The following DSCAM variants were observed in gnomAD, a reference collection of about 807,000 sequenced individuals.
DSCAM encodes the protein DS cell adhesion molecule.
A neutral mutation model predicts 217.7 loss-of-function variants in DSCAM; 47 were observed. That is an observed-to-expected ratio of 0.22 (90% CI 0.17 to 0.28). The LOEUF (loss-of-function observed/expected upper bound fraction) is 0.28, where lower values mean the gene tolerates loss of function less well. DSCAM is among the 10% of genes least tolerant of loss of function. The probability of loss-of-function intolerance (pLI) is 1.00; values close to 1 mark genes in which losing one functional copy is unlikely to be tolerated. For synonymous variants in DSCAM, 1,056 were observed against 1,015.3 expected, an observed-to-expected ratio of 1.04 and a Z score of -0.76; for missense variants, 2,080 against 2,618.3, an observed-to-expected ratio of 0.79 and a Z score of 4.49.
chr21:40,255,287 C>T (rs985740211), intron 11 of DSCAM, among the ~76,000 whole-genome samples: 5 of 152,102 alleles, frequency 3.3e-5, no homozygotes, highest in South Asian at 2.1e-4. Flanking sequence ...AGCCGGGTTC[C>T]GCTCTGCAAC....
intron 8 of DSCAM, among the ~76,000 whole-genome samples, chr21:40,328,630 A>C (rs1008827478): frequency 2.6e-5 from 4 of 152,154 alleles, no homozygotes; most frequent in African/African-American, 9.7e-5. Context: ...AAATAGAACA[A>C]TGGGATTACA....
At position 40,243,202 on chromosome 21, in the gene DSCAM, C is replaced by G. The variant is rs567745445; in HGVS notation, c.2356+32895G>C. Among the ~76,000 whole-genome samples the G allele has an allele frequency of 5.8e-4, 88 of 152,214 alleles. 1 individual carries two copies. The highest frequency in any genetic ancestry group is 2.0e-3 in the African/African-American group (83 of 41,538). On this transcript the variant is annotated intron_variant, in intron 11 of 32. Transcript: ENST00000400454. ...GGAGAAGAGGTCTCCCTGCAATACT[C>G]CTGTTACATTTTGCAATTTAGAATT...
chr21:40,530,913 CCATT>C (rs1454603944), intron 3 of DSCAM, among the ~76,000 whole-genome samples: 1 of 82,284 alleles, frequency 1.2e-5, no homozygotes, highest in African/African-American at 9.4e-5. Flanking sequence ...ATCCATCCAT[CCATT>C]CAACCATCCA....
intron 11 of DSCAM, among the ~76,000 whole-genome samples, chr21:40,269,531 C>T (rs1182793896): frequency 6.6e-6 from 1 of 152,154 alleles, no homozygotes; most frequent in Non-Finnish European, 1.5e-5. Flanking sequence ...TGTATGGTGT[C>T]CCGGGGCTGC....
chr21:40,097,326 A>G (rs1320684122), intron 20 of DSCAM, among the ~76,000 whole-genome samples: 1 of 152,208 alleles, frequency 6.6e-6, no homozygotes, highest in Non-Finnish European at 1.5e-5. Context: ...GCTTGAAAGT[A>G]CACTAAGATG....
At chr21:40,119,343 C>T (rs147012519) in intron 20 of DSCAM, among the ~76,000 whole-genome samples, 8 of 152,100 alleles carry the variant, frequency 5.3e-5, no homozygotes, top group Non-Finnish European at 7.4e-5. Context: ...TTTGTTAGAT[C>T]GTAAGCTAAA....
chr21:40,135,113 A>G (rs2090193551), intron 18 of DSCAM, among the ~76,000 whole-genome samples: 1 of 152,224 alleles, frequency 6.6e-6, no homozygotes, highest in Non-Finnish European at 1.5e-5. Context: ...AGTCGCCTTC[A>G]GAGCATGAGA....
intron 3 of DSCAM, among the ~76,000 whole-genome samples, chr21:40,498,664 T>TAC (rs1239120819): frequency 0.022 from 1,924 of 87,094 alleles, 103 homozygotes; most frequent in African/African-American, 0.078. Context: ...TGTATATATA[T>TAC]ACCCATATAT....
chr21:40,734,361 T>C (rs1346233302), intron 1 of DSCAM, among the ~76,000 whole-genome samples: 1 of 152,264 alleles, frequency 6.6e-6, no homozygotes, highest in East Asian at 1.9e-4. Flanking sequence ...AAGTCACTCA[T>C]GGGCCAGAGG....
At chr21:40,446,009 TG>T (rs1282497753) in intron 3 of DSCAM, among the ~76,000 whole-genome samples, 1 of 152,202 alleles carries the variant, frequency 6.6e-6, no homozygotes, top group African/African-American at 2.4e-5. Context: ...TCAACTTGCC[TG>T]TATATTAGAG....
intron 28 of DSCAM, among the ~76,000 whole-genome samples, chr21:40,056,941 C>G (rs757082113): frequency 8.5e-5 from 13 of 152,232 alleles, no homozygotes; most frequent in African/African-American, 1.7e-4. Context: ...CCGATCCTTC[C>G]TTGTTAATGA....
chr21:40,838,677 G>A (rs2092075940), intron 1 of DSCAM, among the ~76,000 whole-genome samples: 1 of 152,216 alleles, frequency 6.6e-6, no homozygotes, highest in African/African-American at 2.4e-5. Flanking sequence ...GTCAAGGCTT[G>A]TATGAATCAA....
chr21:40,376,432 CTATATATCTTATATA>C, intron 3 of DSCAM, among the ~76,000 whole-genome samples: 2 of 136,252 alleles, frequency 1.5e-5, no homozygotes, highest in Admixed American at 7.5e-5. Flanking sequence ...ATATAGATAT[CTATATATCTTATATA>C]GATATCTATA....
At chr21:40,660,269 T>C (rs897040123) in intron 3 of DSCAM, among the ~76,000 whole-genome samples, 3 of 149,966 alleles carry the variant, frequency 2.0e-5, no homozygotes, top group Non-Finnish European at 4.4e-5. Context: ...CCTAAAGAAA[T>C]GACAAGAGAA....
rs2089546697 is a variant in DSCAM, at chr21:40,087,357, ACTC to A, written c.3851-73_3851-71del. ...GTCTACACAGAGGCCAACATGACCTACTCAATAAGGGCAATACCTAAAAATGGA... is the reference window on the plus strand; with the variant it reads ...GTCTACACAGAGGCCAACATGACCTAAATAAGGGCAATACCTAAAAATGGA... On this transcript the variant is annotated intron_variant, in intron 21 of 32. Transcript: ENST00000400454. 7 of 1,183,502 alleles carry A rather than the reference ACTC, an allele frequency of 5.9e-6. No homozygotes were observed. In the South Asian group the frequency reaches 8.7e-5, roughly 15 times the overall value. 73.3% of individuals were successfully genotyped at this position (1,183,502 alleles called of 1,614,324 possible). A position where few individuals can be genotyped will look rare whatever the true frequency, so the allele number is the denominator to read the frequency against.
chr21:40,351,643 T>C (rs1366886349), intron 5 of DSCAM, among the ~76,000 whole-genome samples: 1 of 152,202 alleles, frequency 6.6e-6, no homozygotes, highest in Admixed American at 6.5e-5. Flanking sequence ...GAAGCTGTTT[T>C]CTTCTGCAGT....
intron 6 of DSCAM, among the ~76,000 whole-genome samples, chr21:40,346,330 A>G (rs565917840): frequency 6.6e-6 from 1 of 152,240 alleles, no homozygotes; most frequent in South Asian, 2.1e-4. Context: ...GATTGAATCA[A>G]AATAGGAATC....
At chr21:40,736,886 C>A (rs1332235741) in intron 1 of DSCAM, among the ~76,000 whole-genome samples, 1 of 151,936 alleles carries the variant, frequency 6.6e-6, no homozygotes, top group African/African-American at 2.4e-5. Flanking sequence ...ATAACTACTC[C>A]ACAAGAAGAA....
chr21:40,521,798 C>A (rs974026832), intron 3 of DSCAM, among the ~76,000 whole-genome samples: 7 of 152,160 alleles, frequency 4.6e-5, no homozygotes, highest in African/African-American at 1.7e-4. Flanking sequence ...CACAGTCTGG[C>A]AACTACAGTC....
Sources: gnomAD v4.1 joint callset for allele counts (sites outside exome capture counted in the v4.1 genomes callset) on GRCh38, gnomAD v4.1.1 for gene constraint, MANE v1.5 for transcripts, NCBI Gene and HGNC (gene_info 2026-07-23, HGNC 2026-07-21) for gene names.